DNAJA1: variants seen among roughly 807,000 people sequenced by gnomAD.
The protein encoded by DNAJA1 is dnaJ homolog subfamily A member 1.
A neutral mutation model predicts 47.6 loss-of-function variants in DNAJA1; 26 were observed. The observed-to-expected ratio is 0.55, with a 90% confidence interval of 0.40 to 0.76. The LOEUF is 0.76. Among genes scored for constraint, DNAJA1 ranks in the 30% least tolerant of loss-of-function variants. DNAJA1 has a pLI of 0.00. For missense variants in DNAJA1, 315 were observed against 485.0 expected (o/e 0.65, Z 3.29); for synonymous variants, 165 against 158.4 (o/e 1.04, Z -0.31).
At chr9:33,033,079 C>A (rs532324824) in intron 5 of DNAJA1, among the ~76,000 whole-genome samples, 1 of 151,004 alleles carries the variant, frequency 6.6e-6, no homozygotes, top group East Asian at 2.0e-4. Flanking sequence ...GGTTTTCTTA[C>A]ATGAGTTATG....
chr9:33,036,329 G>A (rs1412408472), intron 6 of DNAJA1: 2 of 251,830 alleles, frequency 7.9e-6, no homozygotes, highest in Admixed American at 1.1e-4. Context: ...TTCACTGATG[G>A]TAAATGGTAA....
intron 5 of DNAJA1, among the ~76,000 whole-genome samples, chr9:33,032,972 A>T (rs1163874658): frequency 6.6e-6 from 1 of 152,188 alleles, no homozygotes; most frequent in African/African-American, 2.4e-5. Flanking sequence ...TATTTTCCAT[A>T]CGTAAAGGTG....
chr9:33,038,051 G>C (rs10971358), intron 8 of DNAJA1, among the ~76,000 whole-genome samples: 49,438 of 150,814 alleles, frequency 0.33, 8,390 homozygotes, highest in Non-Finnish European at 0.37. Flanking sequence ...GTCACCCAAG[G>C]TGGAGTGCAG....
chr9:33,035,877 A>G (rs1305725952), intron 6 of DNAJA1, among the ~76,000 whole-genome samples: 1 of 152,252 alleles, frequency 6.6e-6, no homozygotes, highest in African/African-American at 2.4e-5. Context: ...ACAATATGCC[A>G]GGAAATATTA....
At chr9:33,025,761 G>T (rs1489132728) in intron 1 of DNAJA1, among the ~76,000 whole-genome samples, 1 of 152,110 alleles carries the variant, frequency 6.6e-6, no homozygotes. Context: ...GCGAGGGGCT[G>T]CGGGGGGAGC....
intron 8 of DNAJA1, among the ~76,000 whole-genome samples, chr9:33,037,718 T>A (rs1839058057): frequency 6.6e-6 from 1 of 152,146 alleles, no homozygotes; most frequent in Non-Finnish European, 1.5e-5. Flanking sequence ...AATAACTACT[T>A]CTGTCATGTT....
At chr9:33,036,740 C>A (rs753198194) in intron 7 of DNAJA1, 51 bp downstream of exon 7, 1 of 1,378,808 alleles carries the variant, frequency 7.3e-7, no homozygotes. Flanking sequence ...TAGTATTTTC[C>A]TTGTCTCCTG....
chr9:33,026,853 C>A lies in DNAJA1; in HGVS notation c.173C>A (p.Ala58Glu). ...CAAGCTTACGAAGTTCTCTCTGATGCAAAGAAAAGGGAATTATATGACAAA... is the reference window on the plus strand; with the variant it reads ...CAAGCTTACGAAGTTCTCTCTGATGAAAAGAAAAGGGAATTATATGACAAA... ...ISQAYEVLSD[A>E]KKRELYDKGG... The change falls in exon 3 of 9, where the codon GCA becomes GAA. Residue 58 changes from alanine to glutamate, a missense_variant. Physicochemically the swap from Ala to Glu is moderately radical, Grantham distance 107 (BLOSUM62 -1). Coordinates refer to ENST00000330899, the MANE Select transcript of DNAJA1 (RefSeq NM_001539.4). The A allele has an allele frequency of 6.2e-7, 1 of 1,613,962 alleles. No individual in the cohort carries two copies. The highest frequency in any genetic ancestry group is 8.5e-7 in the Non-Finnish European group (1 of 1,179,986).
intron 6 of DNAJA1, among the ~76,000 whole-genome samples, chr9:33,035,780 T>C (rs1839024507): frequency 1.3e-5 from 2 of 152,124 alleles, no homozygotes; most frequent in East Asian, 3.9e-4. Flanking sequence ...AAAGATGTTT[T>C]ATTAATGTGG....
At chr9:33,028,025 CAAAAA>C (rs144327341) in intron 3 of DNAJA1, among the ~76,000 whole-genome samples, 1,515 of 77,908 alleles carry the variant, frequency 0.019, 11 homozygotes, top group African/African-American at 0.063. Context: ...ACTCTTGTCT[CAAAAA>C]AAAAAAAAAA....
chr9:33,037,212 C>A, intron 8 of DNAJA1, 97 bp downstream of exon 8: 2 of 955,794 alleles, frequency 2.1e-6, no homozygotes, highest in Non-Finnish European at 1.5e-6. Flanking sequence ...TAGCTCATGC[C>A]TGTAATCCCC....
chr9:33,036,391 GC>G, intron 6 of DNAJA1, 182 bp from the exon 7 acceptor site: 1 of 434,006 alleles, frequency 2.3e-6, no homozygotes, highest in Non-Finnish European at 4.1e-6. Flanking sequence ...AGGAAACGGG[GC>G]TGGCAGGTTG....
In DNAJA1 at chr9:33,030,000, TTTTTG is replaced by T. The variant is rs552651063; in HGVS notation, c.415+31_415+35del. 1.6e-3 allele frequency: 2,591 copies of T among 1,608,084 alleles called. 3 individuals carry two copies. The highest frequency in any genetic ancestry group is 2.3e-3 in the South Asian group (202 of 89,746). ...GTGACAAATGTGAAGGTACGGTGTT[TTTTTG>T]TTTTGTTTTGTTTTGTTTTTAAGCA... On this transcript the variant is annotated intron_variant, in intron 4 of 8. Transcript: ENST00000330899.
rs1341165197 is a variant in DNAJA1, at chr9:33,039,517, T to C, written c.*614T>C. 8.0e-6 allele frequency: 1 copy of C among 124,980 alleles called. No individual in the cohort carries two copies. The highest frequency in any genetic ancestry group is 1.8e-5 in the Non-Finnish European group (1 of 54,332). 7.7% of individuals were successfully genotyped at this position (124,980 alleles called of 1,614,324 possible). ...AAGGCTTGCACTTCCAGAATTGTGTTTCCTTCTGCTGTGCCATTCATATAT... is the reference window on the plus strand; with the variant it reads ...AAGGCTTGCACTTCCAGAATTGTGTCTCCTTCTGCTGTGCCATTCATATAT... On this transcript the variant is annotated 3_prime_UTR_variant, in exon 9 of 9. Coordinates refer to ENST00000330899, the MANE Select transcript of DNAJA1 (RefSeq NM_001539.4).
intron 3 of DNAJA1, 59 bp downstream of exon 3, chr9:33,027,049 C>CT: frequency 6.3e-7 from 1 of 1,589,750 alleles, no homozygotes; most frequent in South Asian, 1.1e-5. Flanking sequence ...CAGAGCAGAT[C>CT]TTTGAGAAAT....
At chr9:33,036,988 G>A in intron 7 of DNAJA1, 27 bp from the exon 8 acceptor site, 1 of 1,588,664 alleles carries the variant, frequency 6.3e-7, no homozygotes. Flanking sequence ...CCATACTTAA[G>A]GAAGAACTTG....
chr9:33,025,552 A>G (rs1838795987), intron 1 of DNAJA1, among the ~76,000 whole-genome samples, 169 bp downstream of exon 1: 1 of 152,132 alleles, frequency 6.6e-6, no homozygotes. Context: ...CTGGCAACCC[A>G]TCCCCGGCAC....
intron 6 of DNAJA1, among the ~76,000 whole-genome samples, chr9:33,035,163 C>T (rs947694487): frequency 1.3e-5 from 2 of 151,228 alleles, no homozygotes; most frequent in South Asian, 2.1e-4. Context: ...TTTAGGAGGC[C>T]GAGGTGGATG....
At chr9:33,033,756 AT>A (rs530180073) in intron 5 of DNAJA1, among the ~76,000 whole-genome samples, 15 of 152,160 alleles carry the variant, frequency 9.9e-5, no homozygotes, top group Non-Finnish European at 1.9e-4. Context: ...AAGGGTCTTG[AT>A]TTACATTGCT....
Sources: gnomAD v4.1 joint callset for allele counts (sites outside exome capture counted in the v4.1 genomes callset) on GRCh38, gnomAD v4.1.1 for gene constraint, MANE v1.5 for transcripts, NCBI Gene and HGNC (gene_info 2026-07-23, HGNC 2026-07-21) for gene names.